Variants in PYGL observed in about 807,000 individuals in gnomAD.
The protein encoded by PYGL is glycogen phosphorylase L.
A neutral mutation model predicts 100.1 loss-of-function variants in PYGL; 90 were observed. The ratio of observed to expected loss-of-function variants is 0.90; its 90% CI spans 0.76 to 1.07. The LOEUF (loss-of-function observed/expected upper bound fraction) is 1.07, where lower values mean the gene tolerates loss of function less well. PYGL is among the 50% of genes least tolerant of loss of function. PYGL has a pLI of 0.00. For synonymous variants in PYGL, 373 were observed against 393.0 expected (o/e 0.95, Z 0.60); for missense variants, 1,016 against 1,057.6 (o/e 0.96, Z 0.55).
intron 3 of PYGL, among the ~76,000 whole-genome samples, chr14:50,933,530 G>A (rs760864946): frequency 6.6e-6 from 1 of 152,092 alleles, no homozygotes; most frequent in Non-Finnish European, 1.5e-5. Flanking sequence ...TACATGTGTG[G>A]TAGTACATTT....
chr14:50,922,778 C>T (rs969041581), intron 5 of PYGL, among the ~76,000 whole-genome samples: 34 of 152,358 alleles, frequency 2.2e-4, no homozygotes, highest in African/African-American at 7.5e-4. Flanking sequence ...GCTTCTTTCC[C>T]CTTCACTTTT....
intron 2 of PYGL, among the ~76,000 whole-genome samples, 198 bp from the exon 3 acceptor site, chr14:50,935,383 T>C (rs1453932492): frequency 6.6e-6 from 1 of 152,194 alleles, no homozygotes; most frequent in Admixed American, 6.5e-5. Context: ...AGCTGCAGCA[T>C]GGAGAAAAGT....
At chr14:50,924,203 A>G in intron 4 of PYGL, 103 bp from the exon 5 acceptor site, 1 of 1,330,010 alleles carries the variant, frequency 7.5e-7, no homozygotes, top group Admixed American at 1.9e-5. Context: ...AACTGAAACA[A>G]CTTATGAATA....
chr14:50,923,787 T>C, intron 5 of PYGL, 182 bp downstream of exon 5: 1 of 729,864 alleles, frequency 1.4e-6, no homozygotes, highest in South Asian at 2.2e-5. Context: ...TCAGCTCCTT[T>C]GTCTCCAAAA....
At chr14:50,918,102 A>G (rs2050470173) in intron 7 of PYGL, among the ~76,000 whole-genome samples, 1 of 152,244 alleles carries the variant, frequency 6.6e-6, no homozygotes, top group African/African-American at 2.4e-5. Context: ...ACTAATTGTC[A>G]GGGAGATGCA....
At chr14:50,919,666 GGTGTGTGTGTGT>G (rs35650221) in intron 7 of PYGL, among the ~76,000 whole-genome samples, 3 of 148,656 alleles carry the variant, frequency 2.0e-5, no homozygotes, top group East Asian at 2.0e-4. Context: ...AGTTCCAAGT[GGTGTGTGTGTGT>G]GTGTGTGTGT....
Position 50,912,305 on chromosome 14 carries a change from TGTTAAGACA to T in PYGL, c.1621-11_1621-3del. 6.2e-7 allele frequency: 1 copy of T among 1,613,924 alleles called. No homozygotes were observed. The highest frequency in any genetic ancestry group is 8.5e-7 in the Non-Finnish European group (1 of 1,179,872). ...CTGAGAAAACTTCAGCTTATTCTCC[TGTTAAGACA>T]GTGCATGGTGCCAGAGCTCTTTTGG... is the stretch of plus-strand genomic sequence containing the variant. On this transcript the variant is annotated splice_region_variant and splice_polypyrimidine_tract_variant and intron_variant, in intron 13 of 19. Coordinates refer to ENST00000216392, the MANE Select transcript of PYGL (RefSeq NM_002863.5).
chr14:50,920,560 A>C lies in PYGL; in HGVS notation c.836T>G (p.Val279Gly). 1 of 1,612,566 alleles carries C rather than the reference A, an allele frequency of 6.2e-7. No homozygotes were observed. The highest frequency in any genetic ancestry group is 8.5e-7 in the Non-Finnish European group (1 of 1,178,576). Residue 279 changes from valine (V) to glycine (G), a missense_variant, in exon 7 of 20, where the codon GTC becomes GGC. Physicochemically the swap from Val to Gly is moderately radical, Grantham distance 109 (BLOSUM62 -3). Transcript: ENST00000216392. Reference sequence around the variant, plus strand: ...ACTCACATTGTCATTGGGATAGAGGACCCGGGAGATGTTCTCGGCCAGGTT... The same window carrying C: ...ACTCACATTGTCATTGGGATAGAGGCCCCGGGAGATGTTCTCGGCCAGGTT... ...DRNLAENISR[V>G]LYPNDNFFEG... is the part of the protein sequence containing the mutation.
In PYGL at chr14:50,937,771, C is replaced by T. The variant is rs762102544; in HGVS notation, c.310G>A (p.Gly104Ser). 1.5e-5 allele frequency: 25 copies of T among 1,613,946 alleles called. No homozygotes were observed. The highest frequency in any genetic ancestry group is 1.3e-4 in the East Asian group (6 of 44,872). Reference protein sequence around the residue: ...RTLQNTMINLGLQNACDEAIY... With the variant: ...RTLQNTMINLSLQNACDEAIY... ...GCCTCATCACAGGCATTTTGCAGAC[C>T]GAGGTTGATCATGGTGTTCTGTAAT... The change falls in exon 2 of 20, where the codon GGT becomes AGT. Residue 104 changes from glycine to serine, a missense_variant. By Grantham distance (56) the Gly-to-Ser change is moderately conservative (BLOSUM62 0). Transcript: ENST00000216392.
At chr14:50,920,299 T>C (rs2050488290) in intron 7 of PYGL, among the ~76,000 whole-genome samples, 1 of 152,198 alleles carries the variant, frequency 6.6e-6, no homozygotes, top group Non-Finnish European at 1.5e-5. Flanking sequence ...TCTCAATAAC[T>C]TCCCAATTAG....
chr14:50,933,889 G>A (rs545056412), intron 3 of PYGL, among the ~76,000 whole-genome samples: 1 of 152,042 alleles, frequency 6.6e-6, no homozygotes, highest in East Asian at 1.9e-4. Context: ...AAAACAAATG[G>A]TATCACACTG....
At chr14:50,934,423 A>G (rs974625687) in intron 3 of PYGL, among the ~76,000 whole-genome samples, 1 of 152,218 alleles carries the variant, frequency 6.6e-6, no homozygotes, top group Non-Finnish European at 1.5e-5. Flanking sequence ...GAAGCTTTGA[A>G]CAAATAATAG....
In PYGL at chr14:50,921,038, G is replaced by C. The variant is rs141500790; in HGVS notation, c.690C>G (p.Pro230=). 6.2e-7 allele frequency: 1 copy of C among 1,614,082 alleles called. No homozygotes were observed. Among genetic ancestry groups the C allele is most frequent in the Non-Finnish European group, 8.5e-7 (1 of 1,179,944 alleles). ...QVVLALPYDT[P]VPGYMNNTVN... ...CAGTGTTATTCATGTAGCCGGGCAC[G>C]GGGGTGTCATATGGCAGAGCCAGGA... is the stretch of plus-strand genomic sequence containing the variant. The change falls in exon 6 of 20, where the codon CCC becomes CCG. Residue 230 remains proline (P), a synonymous_variant. Transcript: ENST00000216392.
chr14:50,923,903 A>G, intron 5 of PYGL, 66 bp downstream of exon 5: 6 of 1,529,876 alleles, frequency 3.9e-6, no homozygotes, highest in Non-Finnish European at 5.4e-6. Context: ...TATGCTACAT[A>G]GTCAATGTAT....
rs540984067 is a variant in PYGL at position 50,944,329 on chromosome 14, C to G, written c.75G>C (p.Val25=). The change falls in exon 1 of 20, where the codon GTG becomes GTC. Residue 25 remains valine (V), a synonymous_variant. Transcript: ENST00000216392. ...SIRGIVGVEN[V]AELKKSFNRH... The stretch of plus-strand genomic sequence containing the variant: ...GGTTGAAACTCTTCTTCAGCTCTGC[C>G]ACGTTCTCCACGCCCACGATGCCGC... 5.0e-6 allele frequency: 8 copies of G among 1,613,860 alleles called. No individual in the cohort carries two copies. The South Asian group carries it at 8.8e-5, about 18-fold the overall frequency.
chr14:50,923,754 T>A, intron 5 of PYGL: 1 of 392,022 alleles, frequency 2.6e-6, no homozygotes, highest in Non-Finnish European at 4.4e-6. Flanking sequence ...ATGACCCTTA[T>A]AAAAGTCACT....
intron 9 of PYGL, 151 bp from the exon 10 acceptor site, chr14:50,916,122 C>G (rs888219332): frequency 8.2e-6 from 9 of 1,098,558 alleles, no homozygotes; most frequent in Non-Finnish European, 1.0e-5. Context: ...CCTGAATAGT[C>G]CAGATAATAG....
chr14:50,943,855 G>T (rs541550578), intron 1 of PYGL, among the ~76,000 whole-genome samples: 8 of 152,370 alleles, frequency 5.3e-5, no homozygotes, highest in East Asian at 3.9e-4. Context: ...AAAAGTTTGT[G>T]AAGTGGACAG....
At chr14:50,908,440 T>C in intron 18 of PYGL, 103 bp from the exon 19 acceptor site, 1 of 1,084,498 alleles carries the variant, frequency 9.2e-7, no homozygotes, top group African/African-American at 1.6e-5. Flanking sequence ...ATATCAGGCA[T>C]GGCTGGTTTA....
Sources: allele counts gnomAD v4.1 joint callset (sites outside exome capture counted in the v4.1 genomes callset), GRCh38; gene constraint gnomAD v4.1.1; transcripts MANE v1.5; gene names NCBI Gene and HGNC (gene_info 2026-07-23, HGNC 2026-07-21).